SUGCT: variants seen among roughly 807,000 people sequenced by gnomAD.
The protein encoded by SUGCT is succinyl-CoA:glutarate CoA-transferase.
SUGCT carries 41 observed loss-of-function variants against 55.0 expected under a neutral mutation model. The observed-to-expected ratio is 0.74, with a 90% CI of 0.58 to 0.97. The LOEUF is 0.97. Among genes scored for constraint, SUGCT ranks in the 50% least tolerant of loss-of-function variants. SUGCT has a pLI of 0.00. For missense variants in SUGCT, 568 were observed against 547.8 expected, an observed-to-expected ratio of 1.04 and a Z score of -0.37; for synonymous variants, 187 against 200.4, an observed-to-expected ratio of 0.93 and a Z score of 0.56.
intron 12 of SUGCT, among the ~76,000 whole-genome samples, chr7:40,545,775 T>C (rs1794954718): frequency 6.6e-6 from 1 of 152,208 alleles, no homozygotes; most frequent in South Asian, 2.1e-4. Context: ...CAAAGTATGC[T>C]TGCCACAGAA....
At chr7:40,156,154 G>A (rs1362412825) in intron 1 of SUGCT, among the ~76,000 whole-genome samples, 1 of 152,130 alleles carries the variant, frequency 6.6e-6, no homozygotes, top group East Asian at 1.9e-4. Flanking sequence ...ACTGTGCCTG[G>A]TCTAGGATAC....
chr7:40,822,223 A>G (rs889464587), intron 13 of SUGCT, among the ~76,000 whole-genome samples: 15 of 152,224 alleles, frequency 9.9e-5, no homozygotes, highest in Non-Finnish European at 1.3e-4. Flanking sequence ...TGTGGTGCTG[A>G]GAAGAATGTA....
At chr7:40,832,659 T>C (rs1792748959) in intron 13 of SUGCT, among the ~76,000 whole-genome samples, 1 of 150,606 alleles carries the variant, frequency 6.6e-6, no homozygotes, top group African/African-American at 2.4e-5. Context: ...CAGGCCTTCT[T>C]TGTTTCTTCC....
chr7:40,423,839 G>A (rs115291617), intron 9 of SUGCT, among the ~76,000 whole-genome samples: 187 of 152,068 alleles, frequency 1.2e-3, no homozygotes, highest in African/African-American at 4.4e-3. Flanking sequence ...ACATCAAGGG[G>A]TTTATTTGGA....
chr7:40,597,917 C>G lies in SUGCT; in HGVS notation c.1089+101531C>G, dbSNP rs77619796. Among the ~76,000 whole-genome samples, 433 of 152,106 alleles carry G rather than the reference C, an allele frequency of 2.8e-3. 1 individual carries two copies. Among genetic ancestry groups the G allele is most frequent in the Middle Eastern group, 0.01 (3 of 294 alleles). On this transcript the variant is annotated intron_variant, in intron 12 of 13. Transcript: ENST00000335693. The stretch of plus-strand genomic sequence containing the variant: ...TTTATTTTCCAGCTAATCTTTGAGC[C>G]CTTCAGATATCATCTGCCTCCTCTA...
intron 6 of SUGCT, 84 bp downstream of exon 6, chr7:40,195,144 T>C (rs1769400026): frequency 2.1e-5 from 2 of 96,242 alleles, no homozygotes; most frequent in Non-Finnish European, 2.9e-5. Context: ...TTTTGCTGGC[T>C]TTTTTTTTTT....
intron 13 of SUGCT, among the ~76,000 whole-genome samples, chr7:40,760,194 G>A (rs1788461848): frequency 6.6e-6 from 1 of 152,038 alleles, no homozygotes; most frequent in African/African-American, 2.4e-5. Context: ...TGCTGACCTG[G>A]GGCTGGTTTT....
At chr7:40,277,677 G>GTTATTATTATTATTATTATTATTA (rs55772430) in intron 8 of SUGCT, among the ~76,000 whole-genome samples, 1 of 144,896 alleles carries the variant, frequency 6.9e-6, no homozygotes, top group Non-Finnish European at 1.5e-5. Flanking sequence ...TGTTCTTTTT[G>GTTATTATTATTATTATTATTATTA]TTATTATTAT....
At chr7:40,378,574 G>C (rs867610838) in intron 9 of SUGCT, among the ~76,000 whole-genome samples, 1 of 152,172 alleles carries the variant, frequency 6.6e-6, no homozygotes, top group Non-Finnish European at 1.5e-5. Flanking sequence ...CCAGGTTCAA[G>C]AGATCCTCCC....
intron 9 of SUGCT, among the ~76,000 whole-genome samples, chr7:40,354,301 T>C (rs1797782736): frequency 6.6e-6 from 1 of 152,078 alleles, no homozygotes; most frequent in African/African-American, 2.4e-5. Flanking sequence ...TACAACAGTG[T>C]GGGCAGAGGG....
the SUGCT span, among the ~76,000 whole-genome samples, chr7:40,940,177 G>T: frequency 6.6e-6 from 1 of 152,106 alleles, no homozygotes; most frequent in Admixed American, 6.6e-5. Context: ...TTGAAGATTA[G>T]TTGGTTGTAA....
chr7:40,719,608 G>A (rs993336701), intron 12 of SUGCT, among the ~76,000 whole-genome samples: 3 of 152,282 alleles, frequency 2.0e-5, no homozygotes, highest in Admixed American at 6.5e-5. Context: ...GCCCACAACA[G>A]AAAAATGGAA....
the SUGCT span, among the ~76,000 whole-genome samples, chr7:40,998,705 T>G: frequency 6.6e-6 from 1 of 152,178 alleles, no homozygotes; most frequent in Admixed American, 6.5e-5. Context: ...AGGGATATTT[T>G]GAGCATCCAG....
chr7:40,349,285 CT>C (rs1411256902), intron 9 of SUGCT, among the ~76,000 whole-genome samples: 2 of 152,156 alleles, frequency 1.3e-5, no homozygotes, highest in Admixed American at 6.5e-5. Context: ...AACTATGTCT[CT>C]TGATTTTTCC....
chr7:40,908,502 A>G, the SUGCT span, among the ~76,000 whole-genome samples: 1 of 152,152 alleles, frequency 6.6e-6, no homozygotes, highest in Admixed American at 6.5e-5. Context: ...TTTAAAATTA[A>G]TAACACACAA....
the SUGCT span, among the ~76,000 whole-genome samples, chr7:40,973,181 T>C: frequency 9.2e-5 from 14 of 152,216 alleles, no homozygotes; most frequent in Non-Finnish European, 1.9e-4. Context: ...AGTCTCTTCC[T>C]ACCCATGAGG....
At chr7:40,208,525 T>C (rs377444114) in intron 6 of SUGCT, among the ~76,000 whole-genome samples, 55 of 152,162 alleles carry the variant, frequency 3.6e-4, no homozygotes, top group Non-Finnish European at 1.2e-4. Context: ...GTATTGAATA[T>C]GTAAAATATT....
chr7:40,944,024 T>C, the SUGCT span, among the ~76,000 whole-genome samples: 1 of 151,776 alleles, frequency 6.6e-6, no homozygotes, highest in African/African-American at 2.4e-5. Context: ...ATTTCTCTGA[T>C]GGCCAGTGAT....
intron 1 of SUGCT, among the ~76,000 whole-genome samples, chr7:40,135,868 G>A (rs959910843): frequency 6.6e-6 from 1 of 152,194 alleles, no homozygotes; most frequent in Non-Finnish European, 1.5e-5. Flanking sequence ...TATTGGCCAG[G>A]CTGGTCTCGA....
Sources: allele counts gnomAD v4.1 joint callset (sites outside exome capture counted in the v4.1 genomes callset), GRCh38; gene constraint gnomAD v4.1.1; transcripts MANE v1.5; gene names NCBI Gene and HGNC (gene_info 2026-07-23, HGNC 2026-07-21).